Variants in CCDC148 observed in about 807,000 individuals in gnomAD.
CCDC148 encodes the protein coiled-coil domain-containing protein 148.
A neutral mutation model predicts 85.7 loss-of-function variants in CCDC148; 89 were observed. That is an observed-to-expected ratio of 1.04 (90% confidence interval 0.87 to 1.24). CCDC148 has a LOEUF of 1.24. Among genes scored for constraint, CCDC148 ranks in the 50% most tolerant of loss-of-function variants. The pLI, the probability that CCDC148 is intolerant of heterozygous loss-of-function variation, is 0.00. For missense variants in CCDC148, 692 were observed against 671.7 expected (o/e 1.03, Z -0.33); for synonymous variants, 230 against 213.9 (o/e 1.08, Z -0.66).
chr2:158,374,004 T>A (rs1457871298), intron 1 of CCDC148, among the ~76,000 whole-genome samples: 3 of 152,080 alleles, frequency 2.0e-5, no homozygotes, highest in Non-Finnish European at 2.9e-5. Flanking sequence ...ACATTATAGA[T>A]CACAGTCCTG....
intron 7 of CCDC148, among the ~76,000 whole-genome samples, chr2:158,323,040 G>A (rs1288573822): frequency 2.0e-5 from 3 of 152,074 alleles, no homozygotes; most frequent in Non-Finnish European, 4.4e-5. Flanking sequence ...TCTCATCTGA[G>A]TCTCAAACAA....
chr2:158,182,081 G>A (rs1479717070), intron 11 of CCDC148, among the ~76,000 whole-genome samples: 1 of 152,044 alleles, frequency 6.6e-6, no homozygotes, highest in Non-Finnish European at 1.5e-5. Context: ...AGTGAACAGG[G>A]GTGTTCCTCC....
At chr2:158,410,348 TTAATG>T (rs764666693) in intron 1 of CCDC148, among the ~76,000 whole-genome samples, 1 of 152,198 alleles carries the variant, frequency 6.6e-6, no homozygotes, top group Non-Finnish European at 1.5e-5. Flanking sequence ...CCATTTATAT[TTAATG>T]TAATTATTGA....
At chr2:158,255,663 A>G (rs1688983007) in intron 9 of CCDC148, among the ~76,000 whole-genome samples, 2 of 151,898 alleles carry the variant, frequency 1.3e-5, no homozygotes, top group East Asian at 3.9e-4. Context: ...GAAGAATAGC[A>G]CAGAAGAACA....
intron 9 of CCDC148, among the ~76,000 whole-genome samples, chr2:158,273,871 CA>C (rs552634978): frequency 1.3e-5 from 2 of 150,674 alleles, no homozygotes; most frequent in East Asian, 1.9e-4. Context: ...CCCACCCAAC[CA>C]AAAAAAAATA....
chr2:158,180,171 G>A (rs1684823205), intron 11 of CCDC148, among the ~76,000 whole-genome samples: 1 of 152,082 alleles, frequency 6.6e-6, no homozygotes, highest in Non-Finnish European at 1.5e-5. Context: ...TACCCTTAGT[G>A]TGCACACCTG....
At chr2:158,298,661 T>C (rs1334647133) in intron 9 of CCDC148, among the ~76,000 whole-genome samples, 1 of 152,200 alleles carries the variant, frequency 6.6e-6, no homozygotes, top group East Asian at 1.9e-4. Context: ...GCCAATTCAA[T>C]AGATTCTTAA....
At chr2:158,275,888 T>C (rs535505131) in intron 9 of CCDC148, among the ~76,000 whole-genome samples, 2 of 152,250 alleles carry the variant, frequency 1.3e-5, no homozygotes, top group South Asian at 4.1e-4. Context: ...TACTTCTCTG[T>C]ACCCATAGAA....
chr2:158,447,259 CCT>C (rs1421520811), intron 1 of CCDC148: 1 of 152,084 alleles, frequency 6.6e-6, no homozygotes, highest in African/African-American at 2.4e-5. Context: ...TTTGACCTGC[CCT>C]GTTTCCAACC....
chr2:158,401,322 T>A (rs1685771863), intron 1 of CCDC148, among the ~76,000 whole-genome samples: 1 of 152,080 alleles, frequency 6.6e-6, no homozygotes, highest in Non-Finnish European at 1.5e-5. Context: ...AATAATCGAC[T>A]GGATAAAGAA....
chr2:158,312,578 C>CAAAAA (rs61545122), intron 8 of CCDC148, among the ~76,000 whole-genome samples: 6 of 76,098 alleles, frequency 7.9e-5, no homozygotes, highest in Admixed American at 3.3e-4. Context: ...GAATCCATCT[C>CAAAAA]AAAAAAAAAA....
intron 8 of CCDC148, among the ~76,000 whole-genome samples, chr2:158,313,083 T>C (rs558686221): frequency 3.3e-5 from 5 of 152,336 alleles, no homozygotes; most frequent in African/African-American, 1.2e-4. Flanking sequence ...TTTGTTTACG[T>C]GTATGTTATA....
chr2:158,299,869 T>C (rs1272668973), intron 9 of CCDC148, among the ~76,000 whole-genome samples: 1 of 151,598 alleles, frequency 6.6e-6, no homozygotes, highest in Non-Finnish European at 1.5e-5. Flanking sequence ...AGAGAGAGAG[T>C]TCAAGTGATA....
intron 10 of CCDC148, among the ~76,000 whole-genome samples, chr2:158,238,650 TAAG>T (rs1688215716): frequency 6.6e-6 from 1 of 152,142 alleles, no homozygotes; most frequent in African/African-American, 2.4e-5. Flanking sequence ...GAAAGAATTT[TAAG>T]AAGAGTAGGG....
chr2:158,281,374 C>A (rs1258229734), intron 9 of CCDC148, among the ~76,000 whole-genome samples: 1 of 152,110 alleles, frequency 6.6e-6, no homozygotes, highest in Admixed American at 6.5e-5. Flanking sequence ...AATTGATAGA[C>A]CGCTGGCAGA....
intron 1 of CCDC148, among the ~76,000 whole-genome samples, chr2:158,413,396 G>A (rs1408083633): frequency 6.6e-6 from 1 of 151,910 alleles, no homozygotes; most frequent in Admixed American, 6.6e-5. Flanking sequence ...AAACCTACTG[G>A]GAGGAAATCT....
At chr2:158,419,466 T>C (rs150326411) in intron 1 of CCDC148, among the ~76,000 whole-genome samples, 5 of 152,304 alleles carry the variant, frequency 3.3e-5, no homozygotes, top group African/African-American at 7.2e-5. Flanking sequence ...GAAGGGTATA[T>C]ATTGGTTTTG....
chr2:158,417,060 G>A lies in CCDC148; in HGVS notation c.25+39355C>T, dbSNP rs188114709. Among the ~76,000 whole-genome samples the A allele has an allele frequency of 5.4e-4, 82 of 152,204 alleles. 1 individual carries two copies. The highest frequency in any genetic ancestry group is 2.0e-3 in the African/African-American group (82 of 41,518). ...ACACTTTTAAACAACAAGATATCAT[G>A]AGAACTCACTCAATATCATAAGAAC... On this transcript the variant is annotated intron_variant, in intron 1 of 13. Coordinates refer to ENST00000283233, the MANE Select transcript of CCDC148 (RefSeq NM_138803.4).
intron 11 of CCDC148, among the ~76,000 whole-genome samples, chr2:158,208,553 G>A (rs1332668038): frequency 6.6e-6 from 1 of 152,172 alleles, no homozygotes; most frequent in African/African-American, 2.4e-5. Context: ...AGGGTGGCAC[G>A]ACAGGAACAG....
Sources: allele counts gnomAD v4.1 joint callset (sites outside exome capture counted in the v4.1 genomes callset), GRCh38; gene constraint gnomAD v4.1.1; transcripts MANE v1.5; gene names NCBI Gene and HGNC (gene_info 2026-07-23, HGNC 2026-07-21).